The following TNR variants were observed in gnomAD, a reference collection of about 807,000 sequenced individuals.
TNR encodes the protein tenascin-R.
In TNR, 45 loss-of-function variants were observed where a neutral mutation model predicts 150.4. The observed-to-expected ratio is 0.30, with a 90% confidence interval of 0.24 to 0.38. The LOEUF is 0.38. TNR is among the 10% of genes least tolerant of loss of function. The probability of loss-of-function intolerance (pLI) is 1.00; values close to 1 mark genes in which losing one functional copy is unlikely to be tolerated. For synonymous variants in TNR, 687 were observed against 678.4 expected (o/e 1.01, Z -0.20); for missense variants, 1,544 against 1,759.1 (o/e 0.88, Z 2.19).
intron 15 of TNR, among the ~76,000 whole-genome samples, chr1:175,358,891 G>GACA (rs1651452086): frequency 6.6e-6 from 1 of 152,128 alleles, no homozygotes; most frequent in Non-Finnish European, 1.5e-5. Flanking sequence ...CTGTTAGCCT[G>GACA]TACTCTCTGT....
chr1:175,492,335 A>G (rs985596335), intron 2 of TNR, among the ~76,000 whole-genome samples: 13 of 152,292 alleles, frequency 8.5e-5, no homozygotes, highest in African/African-American at 2.6e-4. Context: ...TTGCTTGCAT[A>G]CAGCTGTGCA....
intron 1 of TNR, among the ~76,000 whole-genome samples, chr1:175,583,208 C>T (rs564633485): frequency 6.6e-6 from 1 of 152,234 alleles, no homozygotes; most frequent in African/African-American, 2.4e-5. Context: ...TCTCATGTGC[C>T]CGAGTAGAAC....
At chr1:175,390,690 A>G (rs1311934674) in intron 7 of TNR, among the ~76,000 whole-genome samples, 7 of 152,200 alleles carry the variant, frequency 4.6e-5, no homozygotes, top group Admixed American at 4.6e-4. Context: ...ACCCATACCT[A>G]CTTATTTTTG....
At chr1:175,486,330 G>T (rs12028012) in intron 2 of TNR, among the ~76,000 whole-genome samples, 25,958 of 150,814 alleles carry the variant, frequency 0.17, 2,987 homozygotes, top group East Asian at 0.54. Context: ...CTGTGTCCGT[G>T]TGTTCTCATT....
chr1:175,331,347 TC>T (rs571618674), intron 20 of TNR, among the ~76,000 whole-genome samples: 123 of 144,584 alleles, frequency 8.5e-4, no homozygotes, highest in East Asian at 6.3e-3. Flanking sequence ...CACTGCAAGC[TC>T]CACCTCCCAG....
At chr1:175,498,514 G>A (rs529116993) in intron 2 of TNR, among the ~76,000 whole-genome samples, 4 of 152,346 alleles carry the variant, frequency 2.6e-5, no homozygotes, top group East Asian at 1.9e-4. Flanking sequence ...GGGCTGGTAT[G>A]AGAGAGCAAA....
At chr1:175,331,834 C>T (rs919133750) in intron 20 of TNR, among the ~76,000 whole-genome samples, 6 of 152,230 alleles carry the variant, frequency 3.9e-5, no homozygotes, top group South Asian at 2.1e-4. Flanking sequence ...GTCTGTTTTG[C>T]GGAAGAGGAA....
At chr1:175,623,279 C>T (rs1325025842) in intron 1 of TNR, among the ~76,000 whole-genome samples, 1 of 152,184 alleles carries the variant, frequency 6.6e-6, no homozygotes, top group Admixed American at 6.5e-5. Flanking sequence ...TTAGGTATTA[C>T]TATTACACAT....
intron 1 of TNR, among the ~76,000 whole-genome samples, chr1:175,578,219 G>A (rs1662200196): frequency 6.6e-6 from 1 of 152,114 alleles, no homozygotes; most frequent in Non-Finnish European, 1.5e-5. Context: ...GGAGCGGGCA[G>A]GCCTGCCGGG....
intron 1 of TNR, among the ~76,000 whole-genome samples, chr1:175,588,182 G>A (rs551284565): frequency 2.0e-4 from 30 of 152,302 alleles, no homozygotes; most frequent in Middle Eastern, 3.4e-3. Context: ...TTCCATAACC[G>A]CTTAATGGCA....
At chr1:175,492,631 C>G (rs1030423134) in intron 2 of TNR, among the ~76,000 whole-genome samples, 1 of 152,032 alleles carries the variant, frequency 6.6e-6, no homozygotes, top group African/African-American at 2.4e-5. Flanking sequence ...AGGGTTAATG[C>G]TCTAGTCAAA....
chr1:175,480,083 C>T (rs934537993), intron 2 of TNR, among the ~76,000 whole-genome samples: 2 of 151,966 alleles, frequency 1.3e-5, no homozygotes, highest in Non-Finnish European at 2.9e-5. Flanking sequence ...ACTAATGAGG[C>T]CTTCCTCCCA....
chr1:175,447,469 C>T (rs1054518805), intron 2 of TNR, among the ~76,000 whole-genome samples: 243 of 152,252 alleles, frequency 1.6e-3, no homozygotes, highest in African/African-American at 5.6e-3. Context: ...TTATGGCTAG[C>T]ACGTTTGGCA....
intron 2 of TNR, among the ~76,000 whole-genome samples, chr1:175,419,834 C>T (rs1654671812): frequency 6.6e-6 from 1 of 152,110 alleles, no homozygotes; most frequent in Admixed American, 6.5e-5. Flanking sequence ...TCCCTTTCTC[C>T]CTCAGCCTTT....
chr1:175,546,306 G>C (rs548803929), intron 1 of TNR, among the ~76,000 whole-genome samples: 2 of 152,296 alleles, frequency 1.3e-5, no homozygotes, highest in East Asian at 3.9e-4. Flanking sequence ...ACATAAAGAG[G>C]CTGCTTTAAC....
chr1:175,633,017 T>C (rs1482355622), intron 1 of TNR, among the ~76,000 whole-genome samples: 1 of 152,176 alleles, frequency 6.6e-6, no homozygotes, highest in Non-Finnish European at 1.5e-5. Flanking sequence ...CAAGCTCCTG[T>C]CTCCATACCT....
intron 1 of TNR, among the ~76,000 whole-genome samples, chr1:175,742,464 G>T (rs1275365117): frequency 6.6e-6 from 1 of 152,092 alleles, no homozygotes; most frequent in Non-Finnish European, 1.5e-5. Context: ...CATAAAAGTG[G>T]AGGGTACCTC....
chr1:175,697,525 G>A (rs533628989), intron 1 of TNR, among the ~76,000 whole-genome samples: 176 of 151,950 alleles, frequency 1.2e-3, no homozygotes, highest in African/African-American at 3.8e-3. Flanking sequence ...GGAAGTCCCC[G>A]CCCAGCCCCC....
chr1:175,508,930 G>A (rs1659061257), intron 2 of TNR, among the ~76,000 whole-genome samples: 1 of 152,212 alleles, frequency 6.6e-6, no homozygotes, highest in African/African-American at 2.4e-5. Flanking sequence ...GCAGCACCAT[G>A]TGAATGAGCT....
Sources: gnomAD v4.1 joint callset for allele counts (sites outside exome capture counted in the v4.1 genomes callset) on GRCh38, gnomAD v4.1.1 for gene constraint, MANE v1.5 for transcripts, NCBI Gene and HGNC (gene_info 2026-07-23, HGNC 2026-07-21) for gene names.